TEX10: variants seen among roughly 807,000 people sequenced by gnomAD.
TEX10 encodes testis expressed 10, also known as testis-expressed protein 10.
In TEX10, 24 loss-of-function variants were observed where a neutral mutation model predicts 104.4. The ratio of observed to expected loss-of-function variants is 0.23; its 90% CI spans 0.17 to 0.32. The LOEUF is 0.32. Ranked by LOEUF, TEX10 falls within the 10% of genes least tolerant of loss-of-function variation. The pLI, the probability that TEX10 is intolerant of heterozygous loss-of-function variation, is 1.00. For missense variants in TEX10, 921 were observed against 1,083.9 expected (o/e 0.85, Z 2.11); for synonymous variants, 396 against 393.4 (o/e 1.01, Z -0.08).
chr9:100,315,192 T>C (rs937210787), intron 11 of TEX10, among the ~76,000 whole-genome samples: 3 of 152,140 alleles, frequency 2.0e-5, no homozygotes, highest in African/African-American at 4.8e-5. Context: ...ATCTGGGAGA[T>C]AGGTAGTTCT....
chr9:100,326,570 T>C (rs1834710093), intron 8 of TEX10, 91 bp from the exon 9 acceptor site: 20 of 1,261,214 alleles, frequency 1.6e-5, no homozygotes, highest in South Asian at 3.3e-5. Flanking sequence ...CATTGAATTA[T>C]GGGCTAACAT....
At chr9:100,329,774 A>G (rs1349722290) in intron 6 of TEX10, 157 bp downstream of exon 6, 3 of 680,816 alleles carry the variant, frequency 4.4e-6, no homozygotes, top group Non-Finnish European at 7.6e-6. Flanking sequence ...GCCATAAACA[A>G]TTTCAGTGTT....
At chr9:100,343,633 A>C (rs879324665) in intron 4 of TEX10, among the ~76,000 whole-genome samples, 1 of 152,148 alleles carries the variant, frequency 6.6e-6, no homozygotes, top group Non-Finnish European at 1.5e-5. Flanking sequence ...TACAAGTGAA[A>C]TTTCTTGACT....
intron 9 of TEX10, among the ~76,000 whole-genome samples, 187 bp downstream of exon 9, chr9:100,326,115 A>G (rs915131973): frequency 6.6e-6 from 1 of 152,248 alleles, no homozygotes; most frequent in African/African-American, 2.4e-5. Context: ...AAAAGTCATT[A>G]AACAAGTAAC....
At chr9:100,333,663 C>T (rs1022082496) in intron 5 of TEX10, among the ~76,000 whole-genome samples, 194 of 134,816 alleles carry the variant, frequency 1.4e-3, no homozygotes, top group Admixed American at 5.6e-3. Context: ...AAAACCACAA[C>T]AAAAAAATGC....
At chr9:100,341,463 T>G (rs1835169334) in intron 4 of TEX10, among the ~76,000 whole-genome samples, 1 of 152,092 alleles carries the variant, frequency 6.6e-6, no homozygotes. Flanking sequence ...TAAAACCAAA[T>G]TCTCCCTGCC....
At chr9:100,316,906 A>AAAAAAAAAAAAAAAAAG (rs1834432903) in intron 11 of TEX10, among the ~76,000 whole-genome samples, 1 of 149,392 alleles carries the variant, frequency 6.7e-6, no homozygotes, top group Non-Finnish European at 1.5e-5. Context: ...AAAAAAAAAA[A>AAAAAAAAAAAAAAAAAG]AAAAAAAAAA....
chr9:100,337,632 C>A (rs1008236644), intron 5 of TEX10, among the ~76,000 whole-genome samples: 3 of 152,164 alleles, frequency 2.0e-5, no homozygotes, highest in Non-Finnish European at 2.9e-5. Flanking sequence ...GTCTTCAATG[C>A]CAAAAGGATC....
chr9:100,348,583 C>G (rs530089191), intron 2 of TEX10, among the ~76,000 whole-genome samples: 1 of 152,104 alleles, frequency 6.6e-6, no homozygotes, highest in South Asian at 2.1e-4. Context: ...GAAAACTGTT[C>G]ATCAAAAATT....
At chr9:100,331,530 T>G (rs1188592894) in intron 5 of TEX10, among the ~76,000 whole-genome samples, 1 of 152,172 alleles carries the variant, frequency 6.6e-6, no homozygotes, top group Non-Finnish European at 1.5e-5. Flanking sequence ...TAGTTAGTCT[T>G]GAGCAAGGGC....
At chr9:100,335,308 T>C (rs182036464) in intron 5 of TEX10, among the ~76,000 whole-genome samples, 119 of 152,232 alleles carry the variant, frequency 7.8e-4, no homozygotes, top group African/African-American at 2.8e-3. Flanking sequence ...GATCAAGCAA[T>C]TTTCCTGCCC....
chr9:100,345,267 C>G (rs559985833), intron 4 of TEX10, among the ~76,000 whole-genome samples: 2 of 152,316 alleles, frequency 1.3e-5, no homozygotes, highest in South Asian at 4.1e-4. Context: ...ATACACCTTA[C>G]TACAACTCTA....
chr9:100,322,632 G>A (rs889842361), intron 9 of TEX10, among the ~76,000 whole-genome samples: 1 of 151,458 alleles, frequency 6.6e-6, no homozygotes, highest in African/African-American at 2.4e-5. Flanking sequence ...TATATTTTTT[G>A]GGGGGATGGA....
chr9:100,303,001 A>AATC (rs1462728942), intron 14 of TEX10, among the ~76,000 whole-genome samples: 2 of 147,986 alleles, frequency 1.4e-5, no homozygotes, highest in Non-Finnish European at 1.5e-5. Flanking sequence ...GACACAGCTG[A>AATC]AGGCAGAGAG....
intron 11 of TEX10, among the ~76,000 whole-genome samples, chr9:100,317,204 G>C (rs919770698): frequency 1.2e-4 from 18 of 152,084 alleles, no homozygotes; most frequent in Admixed American, 1.1e-3. Context: ...TAAGCAAAAA[G>C]AGCAAAGCTG....
chr9:100,351,672 T>G (rs1835453500), intron 1 of TEX10, among the ~76,000 whole-genome samples: 1 of 152,184 alleles, frequency 6.6e-6, no homozygotes, highest in African/African-American at 2.4e-5. Context: ...CTTCATGCCA[T>G]ATTATCTATC....
In TEX10 at chr9:100,315,907, G is replaced by A. The variant is rs115170670; in HGVS notation, c.2202+4358C>T. On this transcript the variant is annotated intron_variant, in intron 11 of 14. Coordinates refer to ENST00000374902, the MANE Select transcript of TEX10 (RefSeq NM_017746.4). ...AGTCCTTTCTGCAATGTATTCTCCC[G>A]AAGACTGCTAGGCCTTCTGTATCTG... 3.5e-3 allele frequency among the ~76,000 whole-genome samples: 531 copies of A among 152,244 alleles called. 2 individuals carry two copies. Among genetic ancestry groups the A allele is most frequent in the African/African-American group, 0.012 (515 of 41,534 alleles).
In TEX10 at chr9:100,346,609, T is replaced by A. The variant is rs1384309531; in HGVS notation, c.893+85A>T. Reference sequence around the variant, plus strand: ...ATGAAAACTATGAAAGACAACTGCATGTCTTCCCACCAACAGTCATCAATG... The same window carrying A: ...ATGAAAACTATGAAAGACAACTGCAAGTCTTCCCACCAACAGTCATCAATG... On this transcript the variant is annotated intron_variant, in intron 3 of 14. Coordinates refer to ENST00000374902, the MANE Select transcript of TEX10 (RefSeq NM_017746.4). 2.9e-6 allele frequency: 4 copies of A among 1,381,650 alleles called. No individual in the cohort carries two copies. The Admixed American group carries it at 6.8e-5, about 24-fold the overall frequency. 85.6% of individuals were successfully genotyped at this position (1,381,650 alleles called of 1,614,324 possible).
At chr9:100,352,635 C>G (rs1835489756) in intron 1 of TEX10, 137 bp downstream of exon 1, 1 of 1,458,968 alleles carries the variant, frequency 6.9e-7, no homozygotes, top group Non-Finnish European at 9.0e-7. Context: ...GGAGGGACGC[C>G]GCGGCCCAGA....
Sources: allele counts gnomAD v4.1 joint callset (sites outside exome capture counted in the v4.1 genomes callset), GRCh38; gene constraint gnomAD v4.1.1; transcripts MANE v1.5; gene names NCBI Gene and HGNC (gene_info 2026-07-23, HGNC 2026-07-21).